Variants in SLC14A2 observed in about 807,000 individuals in gnomAD.
The protein encoded by SLC14A2 is urea transporter 2.
Under a neutral mutation model 104.6 loss-of-function variants are expected in SLC14A2, and 91 were observed. The observed-to-expected ratio is 0.87, with a 90% CI of 0.73 to 1.04. The LOEUF (loss-of-function observed/expected upper bound fraction) is 1.04, where lower values mean the gene tolerates loss of function less well. SLC14A2 is among the 50% of genes least tolerant of loss of function. SLC14A2 has a pLI of 0.00. For missense variants in SLC14A2, 1,189 were observed against 1,156.0 expected, an observed-to-expected ratio of 1.03 and a Z score of -0.41; for synonymous variants, 476 against 466.4, an observed-to-expected ratio of 1.02 and a Z score of -0.27.
In SLC14A2 at chr18:45,374,583, A is replaced by G. The variant is rs542167355; in HGVS notation, c.-124-108650A>G. Among the ~76,000 whole-genome samples the G allele has an allele frequency of 4.5e-4, 68 of 151,946 alleles. No homozygotes were observed. The Middle Eastern group carries it at 0.01, about 23-fold the overall frequency. Reference sequence around the variant, plus strand: ...AAAAGATAAGGAGTCAGAAATCCAGAGAGGCATAGAGGTTCCCAAGTTTAC... The same window carrying G: ...AAAAGATAAGGAGTCAGAAATCCAGGGAGGCATAGAGGTTCCCAAGTTTAC... On this transcript the variant is annotated intron_variant, in intron 1 of 20. Coordinates refer to the SLC14A2 transcript ENST00000586448.
chr18:45,226,875 TAGAA>T (rs1295959059), intron 1 of SLC14A2, among the ~76,000 whole-genome samples: 1 of 147,920 alleles, frequency 6.8e-6, no homozygotes, highest in African/African-American at 2.7e-5. Context: ...CTTAAATAGA[TAGAA>T]GTTTATTTTC....
intron 1 of SLC14A2, among the ~76,000 whole-genome samples, chr18:45,459,582 G>A (rs796317215): frequency 2.6e-5 from 4 of 152,288 alleles, no homozygotes; most frequent in African/African-American, 9.6e-5. Context: ...GTGAGCAGCT[G>A]GACTGAAAGC....
chr18:45,475,118 C>T (rs769817715), intron 1 of SLC14A2, among the ~76,000 whole-genome samples: 1 of 152,120 alleles, frequency 6.6e-6, no homozygotes, highest in Non-Finnish European at 1.5e-5. Flanking sequence ...TTTATTTCTG[C>T]CTTAATTTCG....
chr18:45,171,807 T>C, the SLC14A2 span, among the ~76,000 whole-genome samples: 3 of 150,588 alleles, frequency 2.0e-5, no homozygotes, highest in Non-Finnish European at 3.0e-5. Context: ...GAAAGCTAAG[T>C]AGTGAAATTC....
chr18:45,423,610 A>G (rs994910880), intron 1 of SLC14A2, among the ~76,000 whole-genome samples: 1 of 152,254 alleles, frequency 6.6e-6, no homozygotes, highest in African/African-American at 2.4e-5. Context: ...GACAAGGGAC[A>G]TAGACAAAGA....
At position 45,344,608 on chromosome 18, in the gene SLC14A2, C is replaced by T. The variant is rs561030192; in HGVS notation, c.-125+131417C>T. Among the ~76,000 whole-genome samples the T allele has an allele frequency of 5.3e-5, 8 of 152,020 alleles. No homozygotes were observed. In the East Asian group the frequency reaches 1.6e-3, roughly 30 times the overall value. On this transcript the variant is annotated intron_variant, in intron 1 of 20. Coordinates refer to the SLC14A2 transcript ENST00000586448. Reference sequence around the variant, plus strand: ...GGATGCAAGGGGGAAGAAGCAAATCCCAGAAACGTTGTCAAAAGGTTGGAG... The same window carrying T: ...GGATGCAAGGGGGAAGAAGCAAATCTCAGAAACGTTGTCAAAAGGTTGGAG...
intron 2 of SLC14A2, among the ~76,000 whole-genome samples, chr18:45,510,204 AATT>A (rs2043345635): frequency 6.6e-6 from 1 of 152,130 alleles, no homozygotes; most frequent in Non-Finnish European, 1.5e-5. Context: ...TGTTTTTTAT[AATT>A]ATTCTCACAC....
chr18:45,534,134 A>C (rs1189926312), intron 2 of SLC14A2, among the ~76,000 whole-genome samples: 1 of 152,156 alleles, frequency 6.6e-6, no homozygotes, highest in African/African-American at 2.4e-5. Context: ...TTTGAGTGTG[A>C]GGAAGCAAAG....
At position 45,468,724 on chromosome 18, in the gene SLC14A2, C is replaced by T. The variant is rs186557171; in HGVS notation, c.-124-14509C>T. 7.9e-5 allele frequency among the ~76,000 whole-genome samples: 12 copies of T among 152,152 alleles called. No individual in the cohort carries two copies. In the Middle Eastern group the frequency reaches 0.01, roughly 129 times the overall value. ...CACTCTAACCTGGAAGGGAAGAAGC[C>T]GTGAAAGAGGTTAAGGCTTAGGATT... is the stretch of plus-strand genomic sequence containing the variant. On this transcript the variant is annotated intron_variant, in intron 1 of 20. Coordinates refer to the SLC14A2 transcript ENST00000586448.
At chr18:45,318,782 T>C (rs1441076204) in intron 1 of SLC14A2, among the ~76,000 whole-genome samples, 2 of 149,372 alleles carry the variant, frequency 1.3e-5, no homozygotes, top group Non-Finnish European at 3.0e-5. Context: ...AGCAAAACTC[T>C]GTCTAAAAAA....
intron 1 of SLC14A2, among the ~76,000 whole-genome samples, chr18:45,392,693 A>G (rs977313149): frequency 7.2e-5 from 11 of 152,200 alleles, no homozygotes; most frequent in African/African-American, 2.2e-4. Flanking sequence ...TAAAATTCCC[A>G]CTTTGAAATA....
chr18:45,413,318 C>CT (rs1000582884), intron 1 of SLC14A2, among the ~76,000 whole-genome samples: 1 of 152,090 alleles, frequency 6.6e-6, no homozygotes, highest in African/African-American at 2.4e-5. Context: ...CAGAAAAGGA[C>CT]TTTTTTTCTT....
intron 1 of SLC14A2, among the ~76,000 whole-genome samples, chr18:45,623,681 G>C (rs1187286737): frequency 6.6e-6 from 1 of 152,122 alleles, no homozygotes; most frequent in Non-Finnish European, 1.5e-5. Context: ...GCGGTGTCTG[G>C]AATGATGAGT....
rs575423748 is a variant in SLC14A2, at chr18:45,584,644, T to C, written c.-34-39987T>C. On this transcript the variant is annotated intron_variant, in intron 2 of 20. Transcript: ENST00000586448. ...CTTAGGAGCCTCAAGGTGGCGAATG[T>C]AGGGCCTTCTTTTTTGAAAAGAGAG... 2.6e-5 allele frequency among the ~76,000 whole-genome samples: 4 copies of C among 152,310 alleles called. No homozygotes were observed. The East Asian group carries it at 7.7e-4, about 29-fold the overall frequency.
At chr18:45,240,573 G>A (rs2084303570) in intron 1 of SLC14A2, among the ~76,000 whole-genome samples, 1 of 151,872 alleles carries the variant, frequency 6.6e-6, no homozygotes, top group South Asian at 2.1e-4. Context: ...TTACAGATGA[G>A]GAAACTGAGG....
At chr18:45,611,155 C>T, upstream of SLC14A2, among the ~76,000 whole-genome samples, 1 of 152,112 alleles carries the variant, frequency 6.6e-6, no homozygotes. Context: ...CCATTCCAAA[C>T]ACCCCCATTC....
chr18:45,227,373 A>G (rs1331959067), intron 1 of SLC14A2, among the ~76,000 whole-genome samples: 1 of 152,234 alleles, frequency 6.6e-6, no homozygotes, highest in Non-Finnish European at 1.5e-5. Context: ...CTGTTATAAC[A>G]GAATACCACA....
chr18:45,618,461 G>A (rs1269560494), intron 1 of SLC14A2, among the ~76,000 whole-genome samples: 1 of 152,000 alleles, frequency 6.6e-6, no homozygotes. Flanking sequence ...CTGAGGTTAG[G>A]AGTTCAGGAC....
chr18:45,268,188 T>G (rs2084611702), intron 1 of SLC14A2, among the ~76,000 whole-genome samples: 1 of 152,098 alleles, frequency 6.6e-6, no homozygotes. Flanking sequence ...AGAACAAAGT[T>G]GAAGCAAATA....
Sources: allele counts gnomAD v4.1 joint callset (sites outside exome capture counted in the v4.1 genomes callset), GRCh38; gene constraint gnomAD v4.1.1; transcripts MANE v1.5; gene names NCBI Gene and HGNC (gene_info 2026-07-23, HGNC 2026-07-21).